FLT4: variants seen among roughly 807,000 people sequenced by gnomAD.
FLT4 encodes the protein fms related receptor tyrosine kinase 4, also known as vascular endothelial growth factor receptor 3.
Under a neutral mutation model 163.2 loss-of-function variants are expected in FLT4, and 30 were observed. The ratio of observed to expected loss-of-function variants is 0.18; its 90% CI spans 0.14 to 0.25. The LOEUF is 0.25. FLT4 is among the 10% of genes least tolerant of loss of function. The pLI is 1.00. For missense variants in FLT4, 1,510 were observed against 1,863.8 expected (o/e 0.81, Z 3.50); for synonymous variants, 884 against 789.5 (o/e 1.12, Z -2.01).
chr5:180,617,120 T>C (rs1762752691), intron 21 of FLT4, 126 bp from the exon 22 acceptor site: 1 of 732,018 alleles, frequency 1.4e-6, no homozygotes, highest in African/African-American at 1.8e-5. Flanking sequence ...GACACCCACA[T>C]CCTACTCCAG....
chr5:180,627,512 G>A (rs1039437176), intron 8 of FLT4, among the ~76,000 whole-genome samples: 1 of 152,086 alleles, frequency 6.6e-6, no homozygotes, highest in African/African-American at 2.4e-5. Context: ...GACACACTGC[G>A]GGTGCTTCGG....
intron 17 of FLT4, 107 bp from the exon 18 acceptor site, chr5:180,619,876 G>A (rs1581644360): frequency 2.4e-6 from 2 of 832,392 alleles, no homozygotes; most frequent in Non-Finnish European, 4.0e-6. Context: ...AGGCCTGGCA[G>A]CAGGAGGAGC....
intron 1 of FLT4, among the ~76,000 whole-genome samples, chr5:180,638,435 G>A (rs1207946570): frequency 6.6e-6 from 1 of 152,194 alleles, no homozygotes; most frequent in African/African-American, 2.4e-5. Flanking sequence ...ACTGGGGCCA[G>A]CACAGCTGCA....
At chr5:180,632,602 GTGTGTGT>G (rs1764268113) in intron 1 of FLT4, among the ~76,000 whole-genome samples, 1 of 1,202 alleles carries the variant, frequency 8.3e-4, no homozygotes, top group African/African-American at 1.3e-3. Flanking sequence ...GTGAGGTGGT[GTGTGTGT>G]GTGTGTGTGT....
intron 22 of FLT4, among the ~76,000 whole-genome samples, chr5:180,616,696 A>G (rs1389270082): frequency 6.6e-6 from 1 of 152,186 alleles, no homozygotes. Context: ...AAAGTTGTGG[A>G]GTCAAACAGA....
chr5:180,648,092 C>T (rs1581723505), intron 1 of FLT4, among the ~76,000 whole-genome samples: 1 of 152,180 alleles, frequency 6.6e-6, no homozygotes. Flanking sequence ...CCAGGATAAG[C>T]GTCTCCCATT....
chr5:180,635,970 T>TGGATGAATGGGTGGGTGGAA (rs1212920665), intron 1 of FLT4, among the ~76,000 whole-genome samples: 6 of 143,572 alleles, frequency 4.2e-5, no homozygotes, highest in Non-Finnish European at 7.6e-5. Flanking sequence ...GGTGGGTGGA[T>TGGATGAATGGGTGGGTGGAA]GGATGAATGG....
chr5:180,629,863 C>G (rs56361806), intron 5 of FLT4, 28 bp from the exon 6 acceptor site: 5 of 1,612,362 alleles, frequency 3.1e-6, no homozygotes, highest in Non-Finnish European at 4.2e-6. Context: ...GTGACTCCCA[C>G]GCCCTCACAG....
intron 27 of FLT4, among the ~76,000 whole-genome samples, chr5:180,610,477 G>A (rs1053346285): frequency 2.0e-5 from 3 of 152,260 alleles, no homozygotes; most frequent in East Asian, 3.8e-4. Flanking sequence ...TAGCCCTGCC[G>A]TATGCTAGGG....
intron 1 of FLT4, among the ~76,000 whole-genome samples, chr5:180,643,321 G>A (rs897855035): frequency 1.3e-5 from 2 of 152,216 alleles, no homozygotes; most frequent in African/African-American, 4.8e-5. Context: ...GGCACTGTGG[G>A]TGGGGTGGCT....
intron 12 of FLT4, 40 bp downstream of exon 12, chr5:180,622,691 C>T: frequency 7.6e-7 from 1 of 1,315,310 alleles, no homozygotes; most frequent in South Asian, 1.2e-5. Context: ...CCCCTCCTGA[C>T]CCTGTACCCA....
Position 180,626,231 on chromosome 5 carries a change from T to C in FLT4, c.1138A>G (p.Ser380Gly). The change falls in exon 9 of 30, where the codon AGT becomes GGT. Residue 380 changes from serine (S) to glycine (G), a missense_variant. Ser to Gly is a moderately conservative substitution (Grantham distance 56, BLOSUM62 0). Coordinates refer to ENST00000261937, the MANE Select transcript of FLT4 (RefSeq NM_182925.5). ...TCCTTGAGCACCAGGGCATGTGGAC[T>C]GTGGCGCCCGGACAGTGCCTTTCCA... ...KDGKALSGRH[S>G]PHALVLKEVT... 6.2e-7 allele frequency: 1 copy of C among 1,612,794 alleles called. No homozygotes were observed. Among genetic ancestry groups the C allele is most frequent in the Non-Finnish European group, 8.5e-7 (1 of 1,179,998 alleles).
chr5:180,608,196 G>A (rs1028987716), intron 29 of FLT4: 3 of 700,640 alleles, frequency 4.3e-6, no homozygotes, highest in Non-Finnish European at 5.2e-6. Flanking sequence ...AGAAGAAATA[G>A]CGAAAGTCTT....
chr5:180,634,746 G>A (rs746950118), intron 1 of FLT4, among the ~76,000 whole-genome samples: 4 of 132,096 alleles, frequency 3.0e-5, no homozygotes, highest in Non-Finnish European at 6.3e-5. Context: ...ATGGAAACGG[G>A]ATGGATGAAT....
At chr5:180,632,668 G>A (rs184754892) in intron 1 of FLT4, among the ~76,000 whole-genome samples, 26 of 152,276 alleles carry the variant, frequency 1.7e-4, no homozygotes, top group Non-Finnish European at 3.1e-4. Flanking sequence ...ATCTGTAACT[G>A]TAGGCCTGGG....
chr5:180,649,401 A>C, intron 1 of FLT4, 87 bp downstream of exon 1: 1 of 973,344 alleles, frequency 1.0e-6, no homozygotes, highest in Non-Finnish European at 1.4e-6. Flanking sequence ...TACCCGGCGG[A>C]GCGGTCTCAG....
intron 1 of FLT4, among the ~76,000 whole-genome samples, chr5:180,643,167 C>T (rs552383379): frequency 2.4e-4 from 37 of 152,372 alleles, no homozygotes; most frequent in Middle Eastern, 3.4e-3. Flanking sequence ...TGCTCTCCCT[C>T]CCACTAGGTT....
Position 180,621,087 on chromosome 5 carries a change from C to A in FLT4, c.2167+19G>T. ...CGCGGGCCTCCGGACCTGCCCTTCG[C>A]CAGGGCCACCCTCCCTACCAGACTT... On this transcript the variant is annotated intron_variant, in intron 14 of 29. Coordinates refer to ENST00000261937, the MANE Select transcript of FLT4 (RefSeq NM_182925.5). 1 of 1,612,746 alleles carries A rather than the reference C, an allele frequency of 6.2e-7. No individual in the cohort carries two copies. The highest frequency in any genetic ancestry group is 8.5e-7 in the Non-Finnish European group (1 of 1,179,960).
intron 8 of FLT4, among the ~76,000 whole-genome samples, chr5:180,626,643 C>T (rs1763640974): frequency 6.6e-6 from 1 of 152,232 alleles, no homozygotes; most frequent in Non-Finnish European, 1.5e-5. Context: ...TTGCCCAGCC[C>T]AGCCCAGGAG....
Sources: allele counts gnomAD v4.1 joint callset (sites outside exome capture counted in the v4.1 genomes callset), GRCh38; gene constraint gnomAD v4.1.1; transcripts MANE v1.5; gene names NCBI Gene and HGNC (gene_info 2026-07-23, HGNC 2026-07-21).